STAB2: variants seen among roughly 807,000 people sequenced by gnomAD.
The protein encoded by STAB2 is stabilin 2.
Under a neutral mutation model 338.1 loss-of-function variants are expected in STAB2, and 288 were observed. The observed-to-expected ratio is 0.85, with a 90% CI of 0.77 to 0.94. The LOEUF (loss-of-function observed/expected upper bound fraction) is 0.94. Ranked by LOEUF, STAB2 falls within the 40% of genes least tolerant of loss-of-function variation. STAB2 has a pLI of 0.00. For synonymous variants in STAB2, 1,202 were observed against 1,193.3 expected (o/e 1.01, Z -0.15); for missense variants, 3,141 against 3,210.1 (o/e 0.98, Z 0.52).
At chr12:103,710,988 C>G (rs1879801329) in intron 39 of STAB2, among the ~76,000 whole-genome samples, 1 of 152,120 alleles carries the variant, frequency 6.6e-6, no homozygotes, top group Non-Finnish European at 1.5e-5. Flanking sequence ...TGTGCAAAGC[C>G]CTGATTTTCT....
At chr12:103,750,400 G>A (rs561055269) in intron 59 of STAB2, among the ~76,000 whole-genome samples, 179 bp from the exon 60 acceptor site, 6 of 152,306 alleles carry the variant, frequency 3.9e-5, no homozygotes, top group African/African-American at 1.4e-4. Context: ...AAAGGATGAG[G>A]TTTCATCATA....
intron 9 of STAB2, among the ~76,000 whole-genome samples, chr12:103,647,876 T>C (rs1873449797): frequency 1.3e-5 from 2 of 152,260 alleles, no homozygotes; most frequent in South Asian, 4.1e-4. Context: ...TTTCATAGTT[T>C]GTATATTTAT....
chr12:103,594,310 TA>T, intron 2 of STAB2, 84 bp from the exon 3 acceptor site: 2 of 1,020,896 alleles, frequency 2.0e-6, no homozygotes, highest in Non-Finnish European at 3.0e-6. Context: ...TATTAAGACC[TA>T]AATTGAAAGC....
chr12:103,730,674 C>G (rs1459530203), intron 49 of STAB2, among the ~76,000 whole-genome samples: 2 of 152,152 alleles, frequency 1.3e-5, no homozygotes, highest in Non-Finnish European at 2.9e-5. Flanking sequence ...ATAGTAGATA[C>G]ATCATCAAAT....
rs201742800 is a variant in STAB2 at position 103,670,711 on chromosome 12, G to T, written c.2275G>T (p.Gly759Cys). 6.2e-7 allele frequency: 1 copy of T among 1,613,886 alleles called. No homozygotes were observed. The highest frequency in any genetic ancestry group is 8.5e-7 in the Non-Finnish European group (1 of 1,179,982). The change falls in exon 22 of 69, where the codon GGC (glycine) becomes TGC (cysteine). Residue 759 changes from glycine (G) to cysteine (C), a missense_variant. By Grantham distance (159) the Gly-to-Cys change is radical. Coordinates refer to ENST00000388887, the MANE Select transcript of STAB2 (RefSeq NM_017564.10). ...TTGCTCCCAGTGTGCAGATAGCCTC[G>T]GCGGCAACGGGACATGCATTTGTGA... ...SGNGQCADSL[G>C]GNGTCICEEG...
intron 44 of STAB2, among the ~76,000 whole-genome samples, chr12:103,722,207 T>C (rs183939834): frequency 2.6e-5 from 4 of 152,198 alleles, no homozygotes; most frequent in Admixed American, 1.3e-4. Context: ...TATTAAGCCA[T>C]TGAGCAGAGG....
intron 28 of STAB2, among the ~76,000 whole-genome samples, chr12:103,688,462 G>A (rs140693298): frequency 4.6e-5 from 7 of 152,212 alleles, no homozygotes; most frequent in African/African-American, 7.2e-5. Flanking sequence ...TCAGTGTGTC[G>A]GGGCCAGAAA....
rs574440085 is a variant in STAB2, at chr12:103,603,168, T to C, written c.331+8658T>C. Among the ~76,000 whole-genome samples the C allele has an allele frequency of 1.2e-4, 19 of 152,286 alleles. No individual in the cohort carries two copies. In the East Asian group the frequency reaches 3.3e-3, roughly 26 times the overall value. Reference sequence around the variant, plus strand: ...TCACTGCAAGCTCTGCCTCCCGGGTTCACACCATTCTCCTGTCTCAGCCTC... The same window carrying C: ...TCACTGCAAGCTCTGCCTCCCGGGTCCACACCATTCTCCTGTCTCAGCCTC... On this transcript the variant is annotated intron_variant, in intron 3 of 68. Transcript: ENST00000388887.
chr12:103,590,707 A>T (rs1453683906), intron 1 of STAB2, among the ~76,000 whole-genome samples, 190 bp from the exon 2 acceptor site: 1 of 152,144 alleles, frequency 6.6e-6, no homozygotes, highest in Non-Finnish European at 1.5e-5. Context: ...GACATTGCTT[A>T]TTAATCTCAA....
At chr12:103,725,951 T>C (rs907325722) in intron 45 of STAB2, among the ~76,000 whole-genome samples, 165 bp from the exon 46 acceptor site, 4 of 152,190 alleles carry the variant, frequency 2.6e-5, no homozygotes, top group Non-Finnish European at 4.4e-5. Context: ...TATGTCCACA[T>C]AGTCATTCTG....
chr12:103,719,827 G>C (rs1233454756), intron 44 of STAB2, among the ~76,000 whole-genome samples: 4 of 152,214 alleles, frequency 2.6e-5, no homozygotes, highest in Non-Finnish European at 5.9e-5. Context: ...CTAGTATGTG[G>C]CATGGCCAGC....
chr12:103,758,945 C>A (rs962469338), intron 64 of STAB2, among the ~76,000 whole-genome samples, 188 bp from the exon 65 acceptor site: 1 of 152,152 alleles, frequency 6.6e-6, no homozygotes, highest in African/African-American at 2.4e-5. Flanking sequence ...CCCATCCTAG[C>A]TATAGGTGGC....
At chr12:103,730,532 C>A (rs1025667089) in intron 49 of STAB2, among the ~76,000 whole-genome samples, 8 of 152,122 alleles carry the variant, frequency 5.3e-5, no homozygotes, top group African/African-American at 1.9e-4. Context: ...AAAATTAATT[C>A]TGGAGTAAAA....
chr12:103,604,003 A>G (rs533143416), intron 3 of STAB2, among the ~76,000 whole-genome samples: 15 of 152,222 alleles, frequency 9.9e-5, no homozygotes, highest in African/African-American at 3.6e-4. Flanking sequence ...TGAAATTTCA[A>G]TCCCTAATTG....
chr12:103,744,643 G>C (rs1464079047), intron 56 of STAB2, among the ~76,000 whole-genome samples: 2 of 150,144 alleles, frequency 1.3e-5, no homozygotes, highest in Non-Finnish European at 1.5e-5. Flanking sequence ...ATTTTTGTTT[G>C]TTGTTGTTGT....
chr12:103,642,296 A>T (rs184071854), intron 9 of STAB2, among the ~76,000 whole-genome samples: 119 of 152,354 alleles, frequency 7.8e-4, no homozygotes, highest in African/African-American at 2.7e-3. Flanking sequence ...AGTAGAAGAG[A>T]TGAGCATTTC....
intron 1 of STAB2, 93 bp from the exon 2 acceptor site, chr12:103,590,804 G>A: frequency 1.4e-6 from 2 of 1,470,130 alleles, no homozygotes; most frequent in East Asian, 4.5e-5. Context: ...TGAGATGATT[G>A]GAGACATTCC....
chr12:103,721,853 T>A (rs1880793775), intron 44 of STAB2, among the ~76,000 whole-genome samples: 1 of 152,120 alleles, frequency 6.6e-6, no homozygotes, highest in Admixed American at 6.5e-5. Context: ...AGATAACCAA[T>A]AAGACCTGCT....
intron 54 of STAB2, 111 bp from the exon 55 acceptor site, chr12:103,740,519 C>A: frequency 1.4e-6 from 2 of 1,441,292 alleles, no homozygotes; most frequent in East Asian, 2.7e-5. Context: ...ACTGGAAGTC[C>A]CATTTTTTAT....
Sources: allele counts gnomAD v4.1 joint callset (sites outside exome capture counted in the v4.1 genomes callset), GRCh38; gene constraint gnomAD v4.1.1; transcripts MANE v1.5; gene names NCBI Gene and HGNC (gene_info 2026-07-23, HGNC 2026-07-21).